HIVEP1: variants seen among roughly 807,000 people sequenced by gnomAD.
The protein encoded by HIVEP1 is zinc finger protein 40.
HIVEP1 carries 36 observed loss-of-function variants against 180.0 expected under a neutral mutation model. That is an observed-to-expected ratio of 0.20 (90% CI 0.15 to 0.26). The LOEUF (loss-of-function observed/expected upper bound fraction) is 0.26. Ranked by LOEUF, HIVEP1 falls within the 10% of genes least tolerant of loss-of-function variation. The pLI is 1.00. For synonymous variants in HIVEP1, 1,239 were observed against 1,239.0 expected (o/e 1.00, Z 0.00); for missense variants, 3,143 against 3,268.7 (o/e 0.96, Z 0.94).
At chr6:12,185,128 T>C in the HIVEP1 span, among the ~76,000 whole-genome samples, 9 of 152,364 alleles carry the variant, frequency 5.9e-5, no homozygotes, top group East Asian at 1.3e-3. Context: ...TTTCAGACAT[T>C]GGACAACTTA....
chr6:12,154,619 A>T (rs1224942960), intron 7 of HIVEP1, among the ~76,000 whole-genome samples: 1 of 152,120 alleles, frequency 6.6e-6, no homozygotes. Context: ...GGAGGGGAAC[A>T]TCACACACCA....
intron 2 of HIVEP1, among the ~76,000 whole-genome samples, chr6:12,029,044 G>A (rs761020083): frequency 5.3e-5 from 8 of 151,896 alleles, no homozygotes; most frequent in Non-Finnish European, 1.0e-4. Context: ...ACCTTTTATC[G>A]CTACATAATA....
Position 12,161,534 on chromosome 6 carries a change from G to A in HIVEP1, c.6583G>A (p.Glu2195Lys). The A allele has an allele frequency of 1.2e-6, 2 of 1,614,174 alleles. No individual in the cohort carries two copies. The highest frequency in any genetic ancestry group is 1.7e-6 in the Non-Finnish European group (2 of 1,180,008). ...TGACAATGAAAATGAAGACGATGAT[G>A]AGGACAGCCAGGCTGAATCAGTCCT... ...EDDNENEDDD[E>K]DSQAESVLSA... is the part of the protein sequence containing the mutation. Residue 2195 changes from glutamate (E) to lysine (K), a missense_variant, in exon 8 of 9, where the codon GAG becomes AAG. Glu to Lys is a moderately conservative substitution (Grantham distance 56). This residue lies in a region of HIVEP1 where 126 missense variants were observed against 168.5 expected (regional missense o/e 0.75). Transcript: ENST00000379388.
chr6:12,014,184 AGT>A (rs1767589343), intron 1 of HIVEP1, among the ~76,000 whole-genome samples: 1 of 152,242 alleles, frequency 6.6e-6, no homozygotes, highest in Non-Finnish European at 1.5e-5. Flanking sequence ...AAGGCCACAC[AGT>A]AAGGGGTAAA....
chr6:12,161,013 T>C (rs1035262598), intron 7 of HIVEP1, among the ~76,000 whole-genome samples: 3 of 152,256 alleles, frequency 2.0e-5, no homozygotes, highest in Admixed American at 2.0e-4. Context: ...GTGTTTGATT[T>C]AATTTGTTCA....
chr6:12,133,729 T>G (rs1392876002), intron 6 of HIVEP1, among the ~76,000 whole-genome samples: 1 of 152,214 alleles, frequency 6.6e-6, no homozygotes, highest in Non-Finnish European at 1.5e-5. Flanking sequence ...ACACCTGTAA[T>G]CCTAGCACTT....
At chr6:12,072,432 G>C (rs917960342) in intron 2 of HIVEP1, among the ~76,000 whole-genome samples, 11 of 151,622 alleles carry the variant, frequency 7.3e-5, no homozygotes, top group African/African-American at 2.4e-4. Context: ...CTCTATTCCT[G>C]TTTTAATCTG....
intron 3 of HIVEP1, among the ~76,000 whole-genome samples, chr6:12,103,577 T>C (rs1382673234): frequency 6.6e-6 from 1 of 151,846 alleles, no homozygotes; most frequent in Non-Finnish European, 1.5e-5. Flanking sequence ...TTTTTTTTTA[T>C]CTATCTGGAC....
chr6:12,092,450 T>G (rs909287985), intron 3 of HIVEP1, among the ~76,000 whole-genome samples: 1 of 152,194 alleles, frequency 6.6e-6, no homozygotes, highest in Non-Finnish European at 1.5e-5. Flanking sequence ...CCCATTCTTC[T>G]GTTGATATTT....
chr6:12,138,754 G>C (rs1026513993), intron 7 of HIVEP1, among the ~76,000 whole-genome samples: 8 of 151,892 alleles, frequency 5.3e-5, no homozygotes, highest in African/African-American at 1.9e-4. Context: ...GTCTCTGCTG[G>C]GGTGTCTAAT....
chr6:12,154,680 C>A (rs914472259), intron 7 of HIVEP1, among the ~76,000 whole-genome samples: 1 of 152,024 alleles, frequency 6.6e-6, no homozygotes, highest in Non-Finnish European at 1.5e-5. Flanking sequence ...AGGACAAATA[C>A]CTAATGCATA....
At chr6:12,110,730 G>A (rs1355370099) in intron 3 of HIVEP1, among the ~76,000 whole-genome samples, 1 of 152,162 alleles carries the variant, frequency 6.6e-6, no homozygotes, top group Non-Finnish European at 1.5e-5. Flanking sequence ...TTGTCGTTCA[G>A]GTGTTTCCTG....
the HIVEP1 span, among the ~76,000 whole-genome samples, chr6:12,207,078 T>C: frequency 6.6e-6 from 1 of 152,166 alleles, no homozygotes; most frequent in Admixed American, 6.5e-5. Flanking sequence ...TTCAGAAGCA[T>C]TTAAAAAAAT....
intron 2 of HIVEP1, among the ~76,000 whole-genome samples, chr6:12,049,486 C>T (rs1561888262): frequency 6.6e-6 from 1 of 152,178 alleles, no homozygotes; most frequent in Non-Finnish European, 1.5e-5. Flanking sequence ...GACCATCATG[C>T]CAGTTGCTCT....
intron 2 of HIVEP1, among the ~76,000 whole-genome samples, chr6:12,082,803 G>A (rs549072136): frequency 2.6e-5 from 4 of 152,194 alleles, no homozygotes; most frequent in South Asian, 4.2e-4. Flanking sequence ...GTTCATCTTC[G>A]AGTATCCTTA....
In HIVEP1 at chr6:12,120,332, C is replaced by T. The variant is rs767350937; in HGVS notation, c.537C>T (p.Cys179=). ...SSKTRTDNSE[C]ISSHCGTTSP... ...AAACCAGGACTGACAATAGCGAATG[C>T]ATCTCTTCTCATTGTGGCACTACGT... Residue 179 remains cysteine, a synonymous_variant, in exon 4 of 9, where the codon TGC becomes TGT. Transcript: ENST00000379388. 5 of 1,614,098 alleles carry T rather than the reference C, an allele frequency of 3.1e-6. No individual in the cohort carries two copies. Among genetic ancestry groups the T allele is most frequent in the Non-Finnish European group, 4.2e-6 (5 of 1,179,970 alleles).
At chr6:12,133,507 T>C (rs1758541209) in intron 6 of HIVEP1, among the ~76,000 whole-genome samples, 1 of 152,264 alleles carries the variant, frequency 6.6e-6, no homozygotes, top group African/African-American at 2.4e-5. Context: ...ATTTTGTATA[T>C]TGAAATGCAG....
rs1390015338 is a variant in HIVEP1 at position 12,120,953 on chromosome 6, C to T, written c.1158C>T (p.Ser386=). The part of the protein sequence containing the change: ...STHVASVVNQ[S]VEQMCNLLLK... ...ATGTTGCCTCTGTTGTTAATCAAAG[C>T]GTAGAGCAAATGTGCAATCTTCTTC... The change falls in exon 4 of 9, where the codon AGC becomes AGT. Residue 386 remains serine, a synonymous_variant. Transcript: ENST00000379388. 6.2e-6 allele frequency: 10 copies of T among 1,613,992 alleles called. No homozygotes were observed. The highest frequency in any genetic ancestry group is 1.1e-5 in the South Asian group (1 of 91,076).
intron 2 of HIVEP1, among the ~76,000 whole-genome samples, chr6:12,050,478 CG>C (rs555876127): frequency 0.011 from 1,658 of 151,850 alleles, 32 homozygotes; most frequent in African/African-American, 0.038. Flanking sequence ...CCCAGTTACT[CG>C]GGAGGCTGAG....
Sources: gnomAD v4.1 joint callset for allele counts (sites outside exome capture counted in the v4.1 genomes callset) on GRCh38, gnomAD v4.1.1 for gene constraint, gnomAD v4.1.1 regional missense constraint, MANE v1.5 for transcripts, NCBI Gene and HGNC (gene_info 2026-07-23, HGNC 2026-07-21) for gene names.